PTPRT: variants seen among roughly 807,000 people sequenced by gnomAD.
PTPRT encodes protein tyrosine phosphatase receptor type T.
A neutral mutation model predicts 176.8 loss-of-function variants in PTPRT; 56 were observed. The observed-to-expected ratio is 0.32, with a 90% CI of 0.26 to 0.40. The LOEUF (loss-of-function observed/expected upper bound fraction) is 0.40, where lower values mean the gene tolerates loss of function less well. Ranked by LOEUF, PTPRT falls within the 10% of genes least tolerant of loss-of-function variation. The probability of loss-of-function intolerance (pLI) is 1.00; values close to 1 mark genes in which losing one functional copy is unlikely to be tolerated. For missense variants in PTPRT, 1,540 were observed against 1,908.2 expected, an observed-to-expected ratio of 0.81 and a Z score of 3.60; for synonymous variants, 783 against 739.0, an observed-to-expected ratio of 1.06 and a Z score of -0.96.
intron 4 of PTPRT, among the ~76,000 whole-genome samples, chr20:42,775,131 T>G (rs1157818083): frequency 1.3e-5 from 2 of 151,902 alleles, no homozygotes; most frequent in Admixed American, 1.3e-4. Flanking sequence ...GAGACCCAAT[T>G]CCCCCCAGAT....
At chr20:42,389,576 A>G (rs757910696) in intron 9 of PTPRT, among the ~76,000 whole-genome samples, 3 of 152,148 alleles carry the variant, frequency 2.0e-5, no homozygotes, top group African/African-American at 7.2e-5. Context: ...GAGGCAAGGC[A>G]TGGTGTCTCA....
intron 7 of PTPRT, among the ~76,000 whole-genome samples, chr20:42,610,091 G>C (rs189648768): frequency 1.3e-5 from 2 of 152,266 alleles, no homozygotes; most frequent in East Asian, 3.9e-4. Context: ...TCCTTCTCTG[G>C]AACACCAGCT....
Position 42,757,052 on chromosome 20 carries a change from T to TAAAA in PTPRT, c.685-420_685-417dup, listed in dbSNP as rs554308907. ...GTGACAGAGGAAGGCCCTGCCTCTT[T>TAAAA]AAAAAAAAAAAAAAAAAAAAAAAAG... On this transcript the variant is annotated intron_variant, in intron 5 of 30. Transcript: ENST00000373187. 4.9e-4 allele frequency among the ~76,000 whole-genome samples: 58 copies of TAAAA among 118,602 alleles called. 1 individual carries two copies. The highest frequency in any genetic ancestry group is 2.5e-3 in the Admixed American group (28 of 11,026). 77.8% of individuals were successfully genotyped at this position (118,602 alleles called of 152,430 possible).
intron 12 of PTPRT, among the ~76,000 whole-genome samples, chr20:42,304,783 G>A (rs907699709): frequency 1.3e-5 from 2 of 152,186 alleles, no homozygotes; most frequent in African/African-American, 4.8e-5. Flanking sequence ...GAGTGTTTGA[G>A]CAAAAATGTT....
At chr20:42,284,869 T>G (rs1489859517) in intron 12 of PTPRT, among the ~76,000 whole-genome samples, 1 of 151,522 alleles carries the variant, frequency 6.6e-6, no homozygotes, top group African/African-American at 2.4e-5. Context: ...ATGGTTCAAG[T>G]ATATGAATCA....
At chr20:42,173,668 C>T (rs886296004) in intron 16 of PTPRT, among the ~76,000 whole-genome samples, 10 of 152,010 alleles carry the variant, frequency 6.6e-5, no homozygotes, top group African/African-American at 2.4e-4. Context: ...TGTGGCTGGC[C>T]TTAACCACTT....
chr20:42,990,803 C>A (rs766537952), intron 1 of PTPRT, among the ~76,000 whole-genome samples: 5 of 152,086 alleles, frequency 3.3e-5, no homozygotes, highest in Admixed American at 6.6e-5. Flanking sequence ...AGGTCAAAAT[C>A]TAAATAAGAA....
intron 7 of PTPRT, among the ~76,000 whole-genome samples, chr20:42,582,009 G>T (rs2073381980): frequency 6.6e-6 from 1 of 152,230 alleles, no homozygotes; most frequent in South Asian, 2.1e-4. Context: ...CTGGAATGCT[G>T]GCTTTGACTG....
intron 16 of PTPRT, among the ~76,000 whole-genome samples, chr20:42,167,630 GGAGA>G (rs1358211609): frequency 6.6e-6 from 1 of 152,184 alleles, no homozygotes; most frequent in Non-Finnish European, 1.5e-5. Flanking sequence ...CTCATTGAGA[GGAGA>G]GAGTCTGGAA....
At chr20:42,230,337 AT>A (rs2056108409) in intron 15 of PTPRT, among the ~76,000 whole-genome samples, 1 of 152,204 alleles carries the variant, frequency 6.6e-6, no homozygotes, top group Non-Finnish European at 1.5e-5. Context: ...AGCCAGAACA[AT>A]TGGTAAACAC....
chr20:42,766,440 T>A (rs1049163706), intron 5 of PTPRT, among the ~76,000 whole-genome samples: 2 of 152,240 alleles, frequency 1.3e-5, no homozygotes, highest in Non-Finnish European at 2.9e-5. Flanking sequence ...GTGTTTGCAT[T>A]TCTGCATCGG....
chr20:42,590,705 A>G (rs6030349), intron 7 of PTPRT, among the ~76,000 whole-genome samples: 1,827 of 152,300 alleles, frequency 0.012, 34 homozygotes, highest in African/African-American at 0.041. Context: ...GAAGGAAAAC[A>G]GAGCTTTTCA....
chr20:42,064,868 A>C, the PTPRT span, among the ~76,000 whole-genome samples: 1 of 152,232 alleles, frequency 6.6e-6, no homozygotes, highest in Admixed American at 6.5e-5. Flanking sequence ...CTAACAAGTG[A>C]TGAGATGTAA....
At chr20:42,401,140 TA>T (rs2058902788) in intron 9 of PTPRT, among the ~76,000 whole-genome samples, 1 of 125,390 alleles carries the variant, frequency 8.0e-6, no homozygotes, top group South Asian at 2.2e-4. Flanking sequence ...CAGTAATAAA[TA>T]AATAAATAAA....
chr20:42,266,976 T>C (rs1034808833), intron 13 of PTPRT, among the ~76,000 whole-genome samples: 4 of 152,192 alleles, frequency 2.6e-5, no homozygotes, highest in African/African-American at 7.2e-5. Flanking sequence ...ATGTAAAATA[T>C]CTTTCATCTG....
rs919467861 is a variant in PTPRT, at chr20:43,070,235, C to A, written c.88+119411G>T. On this transcript the variant is annotated intron_variant, in intron 1 of 30. Transcript: ENST00000373187. ...CCCAGATGCTGTGGGCTCACAGCTT[C>A]CTCCTTCTCCAAAGAAATGCAAATC... is the stretch of plus-strand genomic sequence containing the variant. Among the ~76,000 whole-genome samples, 3 of 152,158 alleles carry A rather than the reference C, an allele frequency of 2.0e-5. No individual in the cohort carries two copies. In the South Asian group the frequency reaches 6.2e-4, roughly 32 times the overall value.
At chr20:42,213,921 A>G (rs1364403692) in intron 15 of PTPRT, among the ~76,000 whole-genome samples, 1 of 152,246 alleles carries the variant, frequency 6.6e-6, no homozygotes, top group African/African-American at 2.4e-5. Context: ...GGAAACTAAT[A>G]AAATGACCAT....
chr20:42,443,266 C>T (rs192545078), intron 9 of PTPRT, among the ~76,000 whole-genome samples: 74 of 152,308 alleles, frequency 4.9e-4, no homozygotes, highest in African/African-American at 1.7e-3. Flanking sequence ...TAAACCAGTG[C>T]TTTTTATGCT....
intron 6 of PTPRT, among the ~76,000 whole-genome samples, chr20:42,686,559 C>A (rs574663066): frequency 1.3e-4 from 19 of 143,160 alleles, no homozygotes; most frequent in African/African-American, 3.9e-4. Flanking sequence ...TCTCAGCTCA[C>A]CGCAGCCTCC....
Sources: gnomAD v4.1 joint callset for allele counts (sites outside exome capture counted in the v4.1 genomes callset) on GRCh38, gnomAD v4.1.1 for gene constraint, MANE v1.5 for transcripts, NCBI Gene and HGNC (gene_info 2026-07-23, HGNC 2026-07-21) for gene names.